Variants in PTPRN2 observed in about 807,000 individuals in gnomAD.
PTPRN2 encodes protein tyrosine phosphatase receptor type N2, also known as receptor-type tyrosine-protein phosphatase N2.
PTPRN2 carries 74 observed loss-of-function variants against 118.8 expected under a neutral mutation model. The ratio of observed to expected loss-of-function variants is 0.62; its 90% confidence interval spans 0.52 to 0.76. PTPRN2 has a LOEUF of 0.76. Ranked by LOEUF, PTPRN2 falls within the 30% of genes least tolerant of loss-of-function variation. PTPRN2 has a pLI of 0.00. For missense variants in PTPRN2, 1,481 were observed against 1,394.4 expected, an observed-to-expected ratio of 1.06 and a Z score of -0.99; for synonymous variants, 641 against 608.0, an observed-to-expected ratio of 1.05 and a Z score of -0.80.
chr7:158,167,361 C>T (rs1195565967), intron 5 of PTPRN2, 70 bp from the exon 6 acceptor site: 30 of 1,515,554 alleles, frequency 2.0e-5, no homozygotes, highest in Non-Finnish European at 2.5e-5. Context: ...CCAAGATGCC[C>T]TTCAGTCTCA....
At position 157,745,003 on chromosome 7, in the gene PTPRN2, G is replaced by A. The variant is rs77994163; in HGVS notation, c.1789-62066C>T. Among the ~76,000 whole-genome samples the A allele has an allele frequency of 5.7e-3, 866 of 152,252 alleles. 8 individuals carry two copies. The highest frequency in any genetic ancestry group is 0.02 in the African/African-American group (822 of 41,532). ...ATGAAATGTGGGTCCCCTTCCAGGC[G>A]GCACCTTCCTTACGAGGACTACGGG... On this transcript the variant is annotated intron_variant, in intron 12 of 22. Transcript: ENST00000389418.
rs1371411115 is a variant in PTPRN2 at position 157,731,500 on chromosome 7, CGCCCAGCACAG to C, written c.1789-48574_1789-48564del. Among the ~76,000 whole-genome samples the C allele has an allele frequency of 4.8e-5, 7 of 146,236 alleles. No homozygotes were observed. The East Asian group carries it at 7.8e-4, about 16-fold the overall frequency. ...CACAGTTACCCTTTCCCGTCCCATGCGCCCAGCACAGTTACCCTTTCCCGTCCCATGCGCCC... is the reference window on the plus strand; with the variant it reads ...CACAGTTACCCTTTCCCGTCCCATGCTTACCCTTTCCCGTCCCATGCGCCC... On this transcript the variant is annotated intron_variant, in intron 12 of 22. Transcript: ENST00000389418.
chr7:158,120,064 C>T (rs1444762809), intron 9 of PTPRN2, among the ~76,000 whole-genome samples: 1 of 152,084 alleles, frequency 6.6e-6, no homozygotes, highest in Non-Finnish European at 1.5e-5. Context: ...AGGGATGAAC[C>T]CTGAAACATG....
chr7:158,179,693 ACT>A (rs2150653277), intron 5 of PTPRN2, among the ~76,000 whole-genome samples: 1 of 152,234 alleles, frequency 6.6e-6, no homozygotes, highest in Admixed American at 6.5e-5. Context: ...AGGAGGCAGG[ACT>A]CAACTTCAGA....
At position 158,551,061 on chromosome 7, in the gene PTPRN2, G is replaced by A. The variant is rs113148050; in HGVS notation, c.112+36497C>T. 7.6e-3 allele frequency among the ~76,000 whole-genome samples: 1,165 copies of A among 152,338 alleles called. 11 individuals are homozygous for A. Among genetic ancestry groups the A allele is most frequent in the African/African-American group, 0.026 (1,071 of 41,572 alleles). On this transcript the variant is annotated intron_variant, in intron 1 of 22. Transcript: ENST00000389418. ...CCCTTGGAGAAGGAGGGAGGCATCC[G>A]CACCAGCTGCTGTGGCAGAACACCA...
In PTPRN2 at chr7:158,188,743, GT is replaced by G. The variant is rs1407827785; in HGVS notation, c.549+3583del. On this transcript the variant is annotated intron_variant, in intron 5 of 22. Transcript: ENST00000389418. ...GGAAGGCCGCCACGCTCGCCGCCTT[GT>G]ATGGGGAAGGCCGCCACGCTCACCC... Among the ~76,000 whole-genome samples the G allele has an allele frequency of 3.1e-4, 39 of 124,592 alleles. No individual in the cohort carries two copies. The East Asian group carries it at 3.3e-3, about 10-fold the overall frequency. 81.7% of individuals were successfully genotyped at this position (124,592 alleles called of 152,430 possible).
At chr7:157,812,270 A>G (rs1347934252) in intron 12 of PTPRN2, among the ~76,000 whole-genome samples, 1 of 152,142 alleles carries the variant, frequency 6.6e-6, no homozygotes, top group Non-Finnish European at 1.5e-5. Context: ...GCTTGCCGGG[A>G]GAGACGCCCA....
At chr7:157,947,153 A>G (rs1373441608) in intron 11 of PTPRN2, among the ~76,000 whole-genome samples, 1 of 152,156 alleles carries the variant, frequency 6.6e-6, no homozygotes, top group Non-Finnish European at 1.5e-5. Context: ...CAGGATGCGA[A>G]AAGGTCTGTC....
chr7:158,210,384 C>G (rs1166550753), intron 3 of PTPRN2, among the ~76,000 whole-genome samples: 3 of 151,972 alleles, frequency 2.0e-5, no homozygotes, highest in Admixed American at 6.6e-5. Context: ...ATCCGCCCGC[C>G]TCGGCCTCCC....
intron 13 of PTPRN2, among the ~76,000 whole-genome samples, chr7:157,669,817 G>A (rs1337558705): frequency 2.0e-5 from 3 of 152,204 alleles, no homozygotes; most frequent in African/African-American, 7.2e-5. Context: ...GGCGCCCAGA[G>A]CACCAGCCCT....
At chr7:158,188,351 C>T (rs1225709600) in intron 5 of PTPRN2, among the ~76,000 whole-genome samples, 6 of 46,018 alleles carry the variant, frequency 1.3e-4, no homozygotes, top group African/African-American at 4.8e-4. Context: ...AAGGCCGCCA[C>T]GCTCGCCGCC....
At chr7:158,249,352 A>G (rs1796505873) in intron 3 of PTPRN2, among the ~76,000 whole-genome samples, 1 of 140,666 alleles carries the variant, frequency 7.1e-6, no homozygotes, top group East Asian at 2.1e-4. Context: ...CACATCACAC[A>G]CATGCACACC....
intron 2 of PTPRN2, among the ~76,000 whole-genome samples, chr7:158,379,286 T>C (rs960279239): frequency 2.6e-5 from 4 of 152,096 alleles, no homozygotes; most frequent in Non-Finnish European, 4.4e-5. Flanking sequence ...GGGTAGGGAA[T>C]ACGGTTCTGC....
intron 22 of PTPRN2, among the ~76,000 whole-genome samples, chr7:157,546,331 A>G (rs1050433838): frequency 1.3e-5 from 2 of 152,208 alleles, no homozygotes; most frequent in Non-Finnish European, 2.9e-5. Flanking sequence ...GCTTTGTTAC[A>G]TAGGTAAACG....
chr7:158,058,802 A>G (rs1296278919), intron 11 of PTPRN2, among the ~76,000 whole-genome samples: 2 of 114,760 alleles, frequency 1.7e-5, no homozygotes, highest in East Asian at 2.7e-4. Context: ...CCATCTGCAC[A>G]CAGTGACGCA....
intron 2 of PTPRN2, among the ~76,000 whole-genome samples, chr7:158,395,265 A>C (rs909589424): frequency 1.5e-5 from 2 of 132,920 alleles, no homozygotes; most frequent in Non-Finnish European, 3.2e-5. Flanking sequence ...ACCTGCGCCC[A>C]GGGCTGTCCC....
chr7:158,394,058 C>T (rs377745693), intron 2 of PTPRN2, among the ~76,000 whole-genome samples: 11 of 151,122 alleles, frequency 7.3e-5, no homozygotes, highest in East Asian at 2.0e-4. Flanking sequence ...CTCACAGATG[C>T]GTGGCCCCCC....
chr7:157,593,074 A>G (rs1186408435), intron 17 of PTPRN2, among the ~76,000 whole-genome samples: 1 of 145,514 alleles, frequency 6.9e-6, no homozygotes, highest in Non-Finnish European at 1.5e-5. Context: ...GTGGTCGTTG[A>G]GTGTGGATGC....
intron 12 of PTPRN2, among the ~76,000 whole-genome samples, chr7:157,810,254 C>T (rs1001159264): frequency 5.9e-5 from 9 of 152,246 alleles, no homozygotes; most frequent in African/African-American, 1.2e-4. Flanking sequence ...ACATCATGGT[C>T]GCAGCGCACC....
Sources: allele counts gnomAD v4.1 joint callset (sites outside exome capture counted in the v4.1 genomes callset), GRCh38; gene constraint gnomAD v4.1.1; transcripts MANE v1.5; gene names NCBI Gene and HGNC (gene_info 2026-07-23, HGNC 2026-07-21).